Variants in NCOA4 observed in about 807,000 individuals in gnomAD.
The protein encoded by NCOA4 is nuclear receptor coactivator 4.
Under a neutral mutation model 69.5 loss-of-function variants are expected in NCOA4, and 31 were observed. The ratio of observed to expected loss-of-function variants is 0.45; its 90% CI spans 0.34 to 0.60. NCOA4 has a LOEUF of 0.60. Among genes scored for constraint, NCOA4 ranks in the 20% least tolerant of loss-of-function variants. The probability of loss-of-function intolerance (pLI) is 0.02; values close to 1 mark genes in which losing one functional copy is unlikely to be tolerated. For missense variants in NCOA4, 600 were observed against 719.2 expected, an observed-to-expected ratio of 0.83 and a Z score of 1.90; for synonymous variants, 228 against 252.4, an observed-to-expected ratio of 0.90 and a Z score of 0.92.
intron 1 of NCOA4, chr10:46,022,608 G>A: frequency 2.9e-6 from 1 of 344,124 alleles, no homozygotes; most frequent in South Asian, 2.4e-5. Flanking sequence ...CTGACTACAG[G>A]CGCCCGCCGC....
intron 7 of NCOA4, 146 bp downstream of exon 7, chr10:46,012,737 T>C: frequency 1.3e-6 from 1 of 766,636 alleles, no homozygotes; most frequent in South Asian, 5.1e-5. Flanking sequence ...CCTTATTTTC[T>C]AAACTTTCTA....
At chr10:46,027,761 C>G (rs1840240737) in intron 1 of NCOA4, among the ~76,000 whole-genome samples, 1 of 152,180 alleles carries the variant, frequency 6.6e-6, no homozygotes, top group Admixed American at 6.5e-5. Context: ...GATTTCAGTA[C>G]TGCTTGAGAA....
intron 7 of NCOA4, among the ~76,000 whole-genome samples, chr10:46,011,964 G>A (rs1839236853): frequency 6.6e-6 from 1 of 150,466 alleles, no homozygotes; most frequent in African/African-American, 2.4e-5. Flanking sequence ...AGGAGGCTGA[G>A]GCAGGAGAAT....
At chr10:46,019,625 ATTAC>A in intron 1 of NCOA4, 1 of 538,448 alleles carries the variant, frequency 1.9e-6, no homozygotes, top group Non-Finnish European at 2.4e-6. Flanking sequence ...TGCTGACTGT[ATTAC>A]TAGATTCCTA....
At chr10:46,027,354 A>T in intron 1 of NCOA4, 1 of 1,281,784 alleles carries the variant, frequency 7.8e-7, no homozygotes, top group Non-Finnish European at 1.1e-6. Flanking sequence ...GTTATGATTT[A>T]ACAATCAAAG....
chr10:46,005,307 AT>A lies in NCOA4; in HGVS notation c.*1284del. On this transcript the variant is annotated 3_prime_UTR_variant, in exon 10 of 10. Coordinates refer to ENST00000581486, the MANE Select transcript of NCOA4 (RefSeq NM_001145263.2). ...CCTTTATATAATACTCCTAAATGAT[AT>A]CTGGGGAGGGAATTAAAAAATAATA... is the stretch of plus-strand genomic sequence containing the variant. 9.3e-6 allele frequency: 2 copies of A among 214,380 alleles called. No homozygotes were observed. Among genetic ancestry groups the A allele is most frequent in the Middle Eastern group, 1.5e-3 (1 of 662 alleles). 13.3% of individuals were successfully genotyped at this position (214,380 alleles called of 1,614,324 possible). A position where few individuals can be genotyped will look rare whatever the true frequency, so the allele number is the denominator to read the frequency against.
Position 46,009,512 on chromosome 10 carries a change from A to G in NCOA4, c.1738T>C (p.Phe580Leu), listed in dbSNP as rs782623619. 4.3e-6 allele frequency: 7 copies of G among 1,610,966 alleles called. No homozygotes were observed. In the East Asian group the frequency reaches 8.9e-5, roughly 21 times the overall value. The change falls in exon 9 of 10, where the codon TTC becomes CTC. Residue 580 changes from phenylalanine to leucine, a missense_variant. Coordinates refer to ENST00000581486, the MANE Select transcript of NCOA4 (RefSeq NM_001145263.2). ...GGGAGGCCATAATGGTCTGGGGGGAAGTTATGTTCCTCCTGTAGAGGTGAA... is the reference window on the plus strand; with the variant it reads ...GGGAGGCCATAATGGTCTGGGGGGAGGTTATGTTCCTCCTGTAGAGGTGAA... ...LNSPLQEEHN[F>L]PPDHYGLPAV...
chr10:46,013,090 C>CACT, intron 6 of NCOA4, 64 bp from the exon 7 acceptor site: 1 of 1,519,588 alleles, frequency 6.6e-7, no homozygotes, highest in South Asian at 1.1e-5. Flanking sequence ...AGAGAAGAGC[C>CACT]ACTCTCTAAT....
At chr10:46,013,892 A>G (rs544890308) in intron 5 of NCOA4, among the ~76,000 whole-genome samples, 1 of 152,218 alleles carries the variant, frequency 6.6e-6, no homozygotes, top group Non-Finnish European at 1.5e-5. Flanking sequence ...TTCTTTATTA[A>G]AAACTATTCA....
intron 1 of NCOA4, chr10:46,027,307 A>G (rs1554925700): frequency 6.2e-6 from 5 of 805,798 alleles, no homozygotes; most frequent in Non-Finnish European, 9.7e-6. Flanking sequence ...AAGACTTAAG[A>G]CTGTAGTCAT....
At chr10:46,028,677 T>C (rs1396612995) in intron 1 of NCOA4, among the ~76,000 whole-genome samples, 1 of 152,052 alleles carries the variant, frequency 6.6e-6, no homozygotes, top group Non-Finnish European at 1.5e-5. Flanking sequence ...AAGGAATCAT[T>C]AAGTATTAAG....
chr10:46,010,905 T>C lies in NCOA4; in HGVS notation c.1016A>G (p.Asp339Gly). 2 of 1,613,980 alleles carry C rather than the reference T, an allele frequency of 1.2e-6. No individual in the cohort carries two copies. The highest frequency in any genetic ancestry group is 1.7e-6 in the Non-Finnish European group (2 of 1,179,858). The change falls in exon 8 of 10, where the codon GAT becomes GGT. Residue 339 changes from aspartate (D) to glycine (G), a missense_variant. Coordinates refer to ENST00000581486, the MANE Select transcript of NCOA4 (RefSeq NM_001145263.2). Reference protein sequence around the residue: ...KLLFQSYNVNDWLVKTDSCTN... With the variant: ...KLLFQSYNVNGWLVKTDSCTN... ...ACAGGAGTCAGTCTTGACAAGCCAATCATTCACATTATAGGACTGGAATAA... is the reference window on the plus strand; with the variant it reads ...ACAGGAGTCAGTCTTGACAAGCCAACCATTCACATTATAGGACTGGAATAA...
At chr10:46,029,996 T>C (rs1247305619) in intron 1 of NCOA4, among the ~76,000 whole-genome samples, 2 of 152,214 alleles carry the variant, frequency 1.3e-5, no homozygotes, top group Non-Finnish European at 2.9e-5. Flanking sequence ...CAGTATGTGT[T>C]TGGCACACAG....
rs150296454 is a variant in NCOA4, at chr10:46,029,988, G to A, written c.-15+538C>T. Among the ~76,000 whole-genome samples the A allele has an allele frequency of 3.9e-3, 598 of 152,276 alleles. 4 individuals carry two copies. The highest frequency in any genetic ancestry group is 0.014 in the African/African-American group (570 of 41,530). On this transcript the variant is annotated intron_variant, in intron 1 of 9. Transcript: ENST00000581486. ...ATTATTGGGAGAATTAAATGTGACA[G>A]TATGTGTTTGGCACACAGAGGGCCA... is the stretch of plus-strand genomic sequence containing the variant.
chr10:46,024,816 T>G (rs1352133625), intron 1 of NCOA4, among the ~76,000 whole-genome samples: 1 of 152,176 alleles, frequency 6.6e-6, no homozygotes, highest in East Asian at 1.9e-4. Context: ...CCATCCCAAG[T>G]AGATCATCTC....
chr10:46,028,553 A>G lies in NCOA4; in HGVS notation c.-15+1973T>C, dbSNP rs1458506935. On this transcript the variant is annotated intron_variant, in intron 1 of 9. Transcript: ENST00000581486. ...TCACCATTAATTAAAAAAAAAAAAA[A>G]AGCAGACTTGACAAGGTTAAATATA... Among the ~76,000 whole-genome samples, 4 of 151,972 alleles carry G rather than the reference A, an allele frequency of 2.6e-5. No individual in the cohort carries two copies. The East Asian group carries it at 7.7e-4, about 29-fold the overall frequency.
chr10:46,021,137 T>C (rs571025665), intron 1 of NCOA4, among the ~76,000 whole-genome samples: 18 of 152,306 alleles, frequency 1.2e-4, no homozygotes, highest in Admixed American at 8.5e-4. Context: ...GGCACCAGAA[T>C]TGAGCAACTA....
chr10:46,024,892 T>C (rs1840076631), intron 1 of NCOA4, among the ~76,000 whole-genome samples: 1 of 152,202 alleles, frequency 6.6e-6, no homozygotes, highest in South Asian at 2.1e-4. Context: ...AAATTTCTTT[T>C]AAAGGCAATA....
intron 1 of NCOA4, among the ~76,000 whole-genome samples, chr10:46,023,777 G>A (rs1840025806): frequency 6.6e-6 from 1 of 152,242 alleles, no homozygotes. Context: ...AAATGTTTAG[G>A]ACAGTGCCTG....
Sources: gnomAD v4.1 joint callset for allele counts (sites outside exome capture counted in the v4.1 genomes callset) on GRCh38, gnomAD v4.1.1 for gene constraint, MANE v1.5 for transcripts, NCBI Gene and HGNC (gene_info 2026-07-23, HGNC 2026-07-21) for gene names.